Variants in ABTB2 observed in about 807,000 individuals in gnomAD.
The protein encoded by ABTB2 is ankyrin repeat and BTB domain containing 2.
Under a neutral mutation model 104.1 loss-of-function variants are expected in ABTB2, and 56 were observed. The observed-to-expected ratio is 0.54, with a 90% CI of 0.43 to 0.67. The LOEUF (loss-of-function observed/expected upper bound fraction) is 0.67. ABTB2 is among the 30% of genes least tolerant of loss of function. The probability of loss-of-function intolerance (pLI) is 0.00; values close to 1 mark genes in which losing one functional copy is unlikely to be tolerated. For missense variants in ABTB2, 1,279 were observed against 1,407.7 expected (o/e 0.91, Z 1.46); for synonymous variants, 606 against 608.2 (o/e 1.00, Z 0.05).
At chr11:34,342,023 C>T (rs1406691710) in intron 1 of ABTB2, among the ~76,000 whole-genome samples, 1 of 152,080 alleles carries the variant, frequency 6.6e-6, no homozygotes. Flanking sequence ...GACTCAAACA[C>T]GGTAGAAAGA....
chr11:34,319,234 A>T (rs1006564976), intron 1 of ABTB2, among the ~76,000 whole-genome samples: 4 of 152,170 alleles, frequency 2.6e-5, no homozygotes, highest in African/African-American at 9.7e-5. Flanking sequence ...TCTTCCCCAC[A>T]ACCCCACCGA....
At chr11:34,251,510 G>T (rs1854056760) in intron 1 of ABTB2, among the ~76,000 whole-genome samples, 1 of 152,246 alleles carries the variant, frequency 6.6e-6, no homozygotes, top group Non-Finnish European at 1.5e-5. Flanking sequence ...TGGGCCAACT[G>T]TTGACCGGTG....
At chr11:34,314,934 G>A (rs767664442) in intron 1 of ABTB2, among the ~76,000 whole-genome samples, 1 of 152,186 alleles carries the variant, frequency 6.6e-6, no homozygotes, top group Non-Finnish European at 1.5e-5. Context: ...GGTACAGTCA[G>A]CCCCTGTGAT....
intron 3 of ABTB2, among the ~76,000 whole-genome samples, chr11:34,193,545 G>A (rs1215545706): frequency 6.6e-6 from 1 of 152,242 alleles, no homozygotes; most frequent in East Asian, 1.9e-4. Flanking sequence ...TCCTGGCCTC[G>A]CCACTTATCA....
chr11:34,268,096 A>G (rs2133078673), intron 1 of ABTB2, among the ~76,000 whole-genome samples: 1 of 152,076 alleles, frequency 6.6e-6, no homozygotes, highest in East Asian at 1.9e-4. Context: ...ATGCTCGGCT[A>G]ACTTTTTAAT....
intron 1 of ABTB2, among the ~76,000 whole-genome samples, chr11:34,288,954 A>G (rs1380918834): frequency 6.6e-6 from 1 of 152,174 alleles, no homozygotes; most frequent in Non-Finnish European, 1.5e-5. Flanking sequence ...TCAAATGGAG[A>G]CCAACAACAT....
At chr11:34,188,453 C>T (rs1453546985) in intron 3 of ABTB2, among the ~76,000 whole-genome samples, 2 of 152,154 alleles carry the variant, frequency 1.3e-5, no homozygotes, top group East Asian at 1.9e-4. Flanking sequence ...AGGTTCCTGG[C>T]AGTGGAAAGG....
chr11:34,294,214 C>T (rs553697443), intron 1 of ABTB2, among the ~76,000 whole-genome samples: 61 of 152,198 alleles, frequency 4.0e-4, no homozygotes, highest in Non-Finnish European at 5.0e-4. Flanking sequence ...GCCATAGTCC[C>T]ACCCACTCAG....
intron 1 of ABTB2, among the ~76,000 whole-genome samples, chr11:34,240,663 G>T (rs1452998959): frequency 6.6e-6 from 1 of 152,090 alleles, no homozygotes; most frequent in African/African-American, 2.4e-5. Context: ...TGTGATCTCG[G>T]CTCACTGCAA....
At chr11:34,168,505 G>A (rs1386694154) in intron 5 of ABTB2, among the ~76,000 whole-genome samples, 15 of 152,308 alleles carry the variant, frequency 9.8e-5, no homozygotes, top group African/African-American at 3.1e-4. Context: ...CCCAGGCCCT[G>A]TGCATGGAAA....
chr11:34,310,070 C>T (rs932972510), intron 1 of ABTB2, among the ~76,000 whole-genome samples: 1 of 152,174 alleles, frequency 6.6e-6, no homozygotes, highest in African/African-American at 2.4e-5. Flanking sequence ...TTACATTGAG[C>T]AATCGCCCTG....
chr11:34,202,814 G>A (rs7121781), intron 2 of ABTB2, among the ~76,000 whole-genome samples: 90,452 of 151,986 alleles, frequency 0.6, 27,908 homozygotes, highest in East Asian at 0.78. Flanking sequence ...ACTCCAGCCT[G>A]GGTGACAGAG....
At chr11:34,347,415 G>A (rs12276614) in intron 1 of ABTB2, among the ~76,000 whole-genome samples, 30,225 of 151,744 alleles carry the variant, frequency 0.2, 3,104 homozygotes, top group Admixed American at 0.24. Context: ...CAACCTGGGT[G>A]ACAGAGTGAG....
intron 2 of ABTB2, among the ~76,000 whole-genome samples, chr11:34,203,287 A>T (rs531671409): frequency 6.6e-6 from 1 of 152,354 alleles, no homozygotes; most frequent in African/African-American, 2.4e-5. Flanking sequence ...GGAACAAATG[A>T]GATAAAAAGT....
At chr11:34,290,286 T>C (rs1207666831) in intron 1 of ABTB2, among the ~76,000 whole-genome samples, 2 of 152,242 alleles carry the variant, frequency 1.3e-5, no homozygotes, top group East Asian at 3.8e-4. Context: ...AGACTGTACC[T>C]GGACTTAAGG....
At chr11:34,168,255 C>T (rs1232063240) in intron 5 of ABTB2, among the ~76,000 whole-genome samples, 1 of 152,238 alleles carries the variant, frequency 6.6e-6, no homozygotes, top group Non-Finnish European at 1.5e-5. Context: ...AAGGTCTCCT[C>T]TGCCATGGGG....
intron 1 of ABTB2, among the ~76,000 whole-genome samples, chr11:34,262,007 A>G (rs1478872527): frequency 6.6e-6 from 1 of 152,194 alleles, no homozygotes; most frequent in Non-Finnish European, 1.5e-5. Context: ...AAATGCCACC[A>G]TACCCCTGGT....
intron 1 of ABTB2, among the ~76,000 whole-genome samples, chr11:34,237,325 G>A (rs1355342328): frequency 1.4e-5 from 2 of 144,238 alleles, no homozygotes; most frequent in Non-Finnish European, 3.0e-5. Context: ...CTATTGCCCA[G>A]GCTGGGCAGT....
intron 3 of ABTB2, among the ~76,000 whole-genome samples, chr11:34,181,578 A>T (rs1853027418): frequency 6.6e-6 from 1 of 152,126 alleles, no homozygotes; most frequent in African/African-American, 2.4e-5. Flanking sequence ...GAATACAAAG[A>T]CTCAGGCAGA....
Sources: gnomAD v4.1 joint callset for allele counts (sites outside exome capture counted in the v4.1 genomes callset) on GRCh38, gnomAD v4.1.1 for gene constraint, MANE v1.5 for transcripts, NCBI Gene and HGNC (gene_info 2026-07-23, HGNC 2026-07-21) for gene names.